The following ST7 variants were observed in gnomAD, a reference collection of about 807,000 sequenced individuals.
ST7 encodes the protein suppressor of tumorigenicity 7 protein.
In ST7, 28 loss-of-function variants were observed where a neutral mutation model predicts 78.7. The ratio of observed to expected loss-of-function variants is 0.36; its 90% CI spans 0.26 to 0.49. ST7 has a LOEUF of 0.49. Among genes scored for constraint, ST7 ranks in the 20% least tolerant of loss-of-function variants. ST7 has a pLI of 0.99. For synonymous variants in ST7, 247 were observed against 249.6 expected, an observed-to-expected ratio of 0.99 and a Z score of 0.10; for missense variants, 418 against 696.0, an observed-to-expected ratio of 0.60 and a Z score of 4.49.
Position 117,078,619 on chromosome 7 carries a change from A to T in ST7, c.152-21143A>T, listed in dbSNP as rs917399511. Among the ~76,000 whole-genome samples the T allele has an allele frequency of 3.7e-4, 56 of 152,242 alleles. 2 individuals are homozygous for T. Among genetic ancestry groups the T allele is most frequent in the Non-Finnish European group, 1.5e-5 (1 of 68,036 alleles). On this transcript the variant is annotated intron_variant, in intron 1 of 15. Coordinates refer to ENST00000323984, the MANE Select transcript of ST7 (RefSeq NM_001369598.1). ...CTGGACAGAGCTGAATGTCAGCCAC[A>T]TGGTAGCAAGATAGATGCTTTGCAT... is the stretch of plus-strand genomic sequence containing the variant.
intron 1 of ST7, among the ~76,000 whole-genome samples, chr7:117,016,002 C>T (rs1444986583): frequency 6.6e-6 from 1 of 152,014 alleles, no homozygotes; most frequent in Non-Finnish European, 1.5e-5. Context: ...TTACAGTGTG[C>T]AAATAAAAGT....
intron 13 of ST7, among the ~76,000 whole-genome samples, chr7:117,210,241 C>T (rs1003554486): frequency 6.6e-6 from 1 of 152,196 alleles, no homozygotes; most frequent in Non-Finnish European, 1.5e-5. Context: ...TGGACAGCCC[C>T]ACAGCATCAT....
At chr7:117,009,936 GC>G (rs1231007528) in intron 1 of ST7, among the ~76,000 whole-genome samples, 1 of 152,074 alleles carries the variant, frequency 6.6e-6, no homozygotes, top group Non-Finnish European at 1.5e-5. Flanking sequence ...TGCCACTATT[GC>G]CACCATCCTT....
chr7:117,028,953 A>G (rs1334767865), intron 1 of ST7, among the ~76,000 whole-genome samples: 1 of 152,206 alleles, frequency 6.6e-6, no homozygotes, highest in Non-Finnish European at 1.5e-5. Flanking sequence ...GAAAATCCAC[A>G]TGACCTTTTA....
intron 1 of ST7, among the ~76,000 whole-genome samples, chr7:116,982,426 G>A (rs1793999898): frequency 6.6e-6 from 1 of 152,042 alleles, no homozygotes; most frequent in Admixed American, 6.5e-5. Context: ...GTTTCTCCAT[G>A]TCGGTCAGGC....
chr7:116,960,691 TG>T (rs1404927271), intron 1 of ST7, among the ~76,000 whole-genome samples: 3 of 152,212 alleles, frequency 2.0e-5, no homozygotes, highest in Non-Finnish European at 4.4e-5. Flanking sequence ...CTTGTACATT[TG>T]TTTAAGTTCC....
chr7:117,213,318 A>G (rs1262445912), intron 13 of ST7, among the ~76,000 whole-genome samples: 1 of 152,228 alleles, frequency 6.6e-6, no homozygotes, highest in Non-Finnish European at 1.5e-5. Context: ...TTTCATTAGA[A>G]AGAAAATTCA....
intron 1 of ST7, among the ~76,000 whole-genome samples, chr7:117,063,874 C>A (rs1798488546): frequency 6.6e-6 from 1 of 152,106 alleles, no homozygotes; most frequent in Admixed American, 6.5e-5. Context: ...AAATTTAATA[C>A]CAGTATGTGC....
At chr7:117,056,622 G>A (rs563506802) in intron 1 of ST7, among the ~76,000 whole-genome samples, 6 of 151,648 alleles carry the variant, frequency 4.0e-5, no homozygotes, top group Non-Finnish European at 5.9e-5. Flanking sequence ...CAACAAGAGC[G>A]AAACTCCGTC....
rs545906659 is a variant in ST7 at position 117,113,716 on chromosome 7, G to T, written c.235-5845G>T. Among the ~76,000 whole-genome samples the T allele has an allele frequency of 2.0e-5, 3 of 152,302 alleles. No homozygotes were observed. In the East Asian group the frequency reaches 5.8e-4, roughly 29 times the overall value. On this transcript the variant is annotated intron_variant, in intron 2 of 15. Transcript: ENST00000323984. ...CAAATGCACATAAGATCCAAGGAATGAATGAATGAAACTGACTGCATCAGA... is the reference window on the plus strand; with the variant it reads ...CAAATGCACATAAGATCCAAGGAATTAATGAATGAAACTGACTGCATCAGA...
At chr7:117,192,271 C>T (rs1208437727) in intron 12 of ST7, among the ~76,000 whole-genome samples, 1 of 152,160 alleles carries the variant, frequency 6.6e-6, no homozygotes, top group African/African-American at 2.4e-5. Flanking sequence ...ATGCCATTCT[C>T]TACAGAGCTA....
chr7:117,045,051 C>T (rs537074435), intron 1 of ST7, among the ~76,000 whole-genome samples: 135 of 152,290 alleles, frequency 8.9e-4, no homozygotes, highest in African/African-American at 3.2e-3. Flanking sequence ...TGACACTCCA[C>T]ATGCACTGCC....
intron 10 of ST7, among the ~76,000 whole-genome samples, chr7:117,176,750 C>G (rs1032434628): frequency 6.6e-6 from 1 of 152,170 alleles, no homozygotes; most frequent in Non-Finnish European, 1.5e-5. Context: ...TCAAACACTT[C>G]AAGTGTCAGT....
At chr7:117,196,841 G>A (rs1269186968) in intron 12 of ST7, among the ~76,000 whole-genome samples, 2 of 151,654 alleles carry the variant, frequency 1.3e-5, no homozygotes, top group African/African-American at 4.8e-5. Context: ...TTGTGCTTTT[G>A]GTGTCATATC....
intron 13 of ST7, among the ~76,000 whole-genome samples, chr7:117,211,652 G>T (rs1392056374): frequency 6.6e-6 from 1 of 152,058 alleles, no homozygotes; most frequent in Admixed American, 6.6e-5. Context: ...GGGGCAAAGG[G>T]TGATAAAGAC....
At chr7:117,142,292 T>C (rs1367809747) in intron 9 of ST7, among the ~76,000 whole-genome samples, 2 of 152,070 alleles carry the variant, frequency 1.3e-5, no homozygotes, top group Non-Finnish European at 2.9e-5. Flanking sequence ...AGATTGCCTG[T>C]ATGAAAGAAC....
chr7:117,195,596 G>C (rs187108984), intron 12 of ST7, among the ~76,000 whole-genome samples: 56 of 152,222 alleles, frequency 3.7e-4, no homozygotes, highest in Admixed American at 7.8e-4. Context: ...AAGTAAACAC[G>C]TCCTTTTTCA....
intron 2 of ST7, among the ~76,000 whole-genome samples, chr7:117,100,577 A>G (rs866268943): frequency 1.1e-4 from 17 of 152,296 alleles, no homozygotes; most frequent in Middle Eastern, 3.4e-3. Context: ...ATGGATTGTG[A>G]CAATTCTAAG....
chr7:117,159,440 G>A (rs565182781), intron 9 of ST7, among the ~76,000 whole-genome samples: 4 of 152,278 alleles, frequency 2.6e-5, no homozygotes, highest in Admixed American at 2.0e-4. Flanking sequence ...GCAAAACAGG[G>A]CATATAAATT....
Sources: allele counts gnomAD v4.1 joint callset (sites outside exome capture counted in the v4.1 genomes callset), GRCh38; gene constraint gnomAD v4.1.1; transcripts MANE v1.5; gene names NCBI Gene and HGNC (gene_info 2026-07-23, HGNC 2026-07-21).